The following CEP72 variants were observed in gnomAD, a reference collection of about 807,000 sequenced individuals.
The protein encoded by CEP72 is centrosomal protein 72, also known as centrosomal protein of 72 kDa.
A neutral mutation model predicts 65.7 loss-of-function variants in CEP72; 78 were observed. That is an observed-to-expected ratio of 1.19 (90% CI 0.99 to 1.43). CEP72 has a LOEUF of 1.43. CEP72 is among the 40% of genes most tolerant of loss of function. The pLI is 0.00. For synonymous variants in CEP72, 358 were observed against 351.7 expected (o/e 1.02, Z -0.20); for missense variants, 914 against 832.9 (o/e 1.10, Z -1.20).
chr5:636,271 C>T (rs1320042700), intron 6 of CEP72, among the ~76,000 whole-genome samples: 4 of 152,222 alleles, frequency 2.6e-5, no homozygotes, highest in Non-Finnish European at 4.4e-5. Flanking sequence ...AAGAATGCAG[C>T]ACATTGAAAT....
rs760639710 is a variant in CEP72, at chr5:620,059, C to G, written c.211-10C>G. On this transcript the variant is annotated splice_polypyrimidine_tract_variant and intron_variant, in intron 2 of 11. Transcript: ENST00000264935. ...AGTGTGAATGAATTCACTGTGTTTT[C>G]TGTTGACAGGGCATTCAGTACCTGA... is the stretch of plus-strand genomic sequence containing the variant. 7.5e-6 allele frequency: 12 copies of G among 1,591,906 alleles called. No individual in the cohort carries two copies. The highest frequency in any genetic ancestry group is 1.7e-4 in the Middle Eastern group (1 of 6,022).
downstream of CEP72, among the ~76,000 whole-genome samples, chr5:669,287 AGCCG>A (rs1740097439): frequency 2.0e-5 from 3 of 147,524 alleles, no homozygotes; most frequent in South Asian, 2.2e-4. Context: ...GAGCCCGGTG[AGCCG>A]GAGGTGCCCT....
chr5:625,256 C>T (rs1736679400), intron 4 of CEP72, among the ~76,000 whole-genome samples: 1 of 152,258 alleles, frequency 6.6e-6, no homozygotes, highest in Non-Finnish European at 1.5e-5. Context: ...TGGACTCTGT[C>T]TGCATAGCCG....
At chr5:614,819 A>C (rs114256171) in intron 1 of CEP72, among the ~76,000 whole-genome samples, 1 of 152,244 alleles carries the variant, frequency 6.6e-6, no homozygotes, top group African/African-American at 2.4e-5. Flanking sequence ...CATCTGGTCT[A>C]TGTTGTTGAA....
downstream of CEP72, among the ~76,000 whole-genome samples, chr5:670,064 C>T (rs1314358225): frequency 8.3e-5 from 12 of 145,184 alleles, no homozygotes; most frequent in Admixed American, 8.5e-4. Context: ...CCTGGACTTG[C>T]TTCCCAGGCT....
At chr5:662,001 C>A (rs1156996992), downstream of CEP72, 1 of 152,488 alleles carries the variant, frequency 6.6e-6, no homozygotes, top group Non-Finnish European at 1.5e-5. Context: ...TCCCAGGGTG[C>A]TCCAGGCCAG....
At chr5:625,631 A>G (rs1736705471) in intron 4 of CEP72, among the ~76,000 whole-genome samples, 1 of 152,046 alleles carries the variant, frequency 6.6e-6, no homozygotes, top group African/African-American at 2.4e-5. Flanking sequence ...TCCCTCAGAT[A>G]CCTGTCCTGC....
rs752601066 is a variant in CEP72 at position 647,802 on chromosome 5, CA to C, written c.1667-2del. On this transcript the variant is annotated splice_acceptor_variant, in intron 10 of 11. Transcript: ENST00000264935. LOFTEE classifies it high-confidence loss of function. ...GGTACTTTTTTTTTTCTTTCTCTTT[CA>C]GGACTTCAAACAAGTGTGAAGAGGC... 2.5e-6 allele frequency: 4 copies of C among 1,590,220 alleles called. No homozygotes were observed. The South Asian group carries it at 4.6e-5, about 18-fold the overall frequency.
Position 620,128 on chromosome 5 carries a change from GT to G in CEP72, c.272del (p.Leu91TrpfsTer10). ...ATCTCTACTACAACTGCATCTCCTC[GT>G]TGGCAGAAGTGTTTCGGCTCCACGC... The part of the protein sequence containing the change: ...LNLYYNCISS[L>X]AEVFRLHALT... On this transcript the variant is annotated frameshift_variant, in exon 3 of 12. Transcript: ENST00000264935. LOFTEE classifies it high-confidence loss of function. The G allele has an allele frequency of 6.2e-7, 1 of 1,614,154 alleles. No homozygotes were observed. Among genetic ancestry groups the G allele is most frequent in the Admixed American group, 1.7e-5 (1 of 60,026 alleles).
rs960244675 is a variant in CEP72, at chr5:645,170, G to A, written c.1666+745G>A. On this transcript the variant is annotated intron_variant, in intron 10 of 11. Coordinates refer to ENST00000264935, the MANE Select transcript of CEP72 (RefSeq NM_018140.4). This position sits in a 1 kb window ranked among gnomAD's most constrained non-coding sequence, Gnocchi z 4.0. ...GGCCAGGTAGTAACCGTTTCAGGGC[G>A]TGTGGGTCTCACGATGTCTGTCCCA... Among the ~76,000 whole-genome samples the A allele has an allele frequency of 1.3e-5, 2 of 152,148 alleles. No homozygotes were observed. The highest frequency in any genetic ancestry group is 6.5e-5 in the Admixed American group (1 of 15,300).
chr5:641,216 G>A, intron 9 of CEP72: 1 of 985,382 alleles, frequency 1.0e-6, no homozygotes, highest in South Asian at 4.7e-5. Flanking sequence ...TCACGGGACA[G>A]GATCCTCCCA....
chr5:667,447 GA>G (rs1171710871), downstream of CEP72, among the ~76,000 whole-genome samples: 1 of 152,168 alleles, frequency 6.6e-6, no homozygotes, highest in Non-Finnish European at 1.5e-5. Context: ...TCCTAATTAT[GA>G]AACTAAAACT....
rs759198371 is a variant in CEP72 at position 644,182 on chromosome 5, G to A, written c.1540-117G>A. On this transcript the variant is annotated intron_variant, in intron 9 of 11. Coordinates refer to ENST00000264935, the MANE Select transcript of CEP72 (RefSeq NM_018140.4). ...AAACTGAATTACTGCCTTTCACATC[G>A]TGACTCCCAAGTATGCAGAAGGAAC... 4.1e-5 allele frequency: 47 copies of A among 1,153,272 alleles called. 1 individual carries two copies. Among genetic ancestry groups the A allele is most frequent in the Non-Finnish European group, 5.3e-5 (42 of 796,580 alleles). The allele number at this position is 1,153,272 out of a possible 1,614,324, so 71.4% of individuals were successfully genotyped here.
chr5:676,423 A>G, the CEP72 span: 1 of 152,366 alleles, frequency 6.6e-6, no homozygotes, highest in Non-Finnish European at 1.5e-5. Context: ...TGGGCCCCAC[A>G]GCCTTCCACA....
At chr5:632,385 A>C (rs74518184) in intron 4 of CEP72, among the ~76,000 whole-genome samples, 3 of 8,888 alleles carry the variant, frequency 3.4e-4, no homozygotes, top group Admixed American at 1.6e-3. Flanking sequence ...CGGGATTTAG[A>C]CCAGTCCTGG....
chr5:654,255 CTG>C (rs562341078), downstream of CEP72, among the ~76,000 whole-genome samples: 1,109 of 143,434 alleles, frequency 7.7e-3, 4 homozygotes, highest in Non-Finnish European at 0.012. Context: ...TGCATGCTTG[CTG>C]TGTGTGTGTG....
chr5:654,401 G>A (rs1221646835), downstream of CEP72, among the ~76,000 whole-genome samples: 1 of 148,896 alleles, frequency 6.7e-6, no homozygotes, highest in Non-Finnish European at 1.5e-5. Context: ...CACTTGCTAT[G>A]TGTGTGCTTG....
intron 4 of CEP72, among the ~76,000 whole-genome samples, chr5:629,453 G>C (rs559856848): frequency 6.9e-6 from 1 of 145,632 alleles, no homozygotes; most frequent in Admixed American, 6.8e-5. Flanking sequence ...GTCCAGTGCC[G>C]GGATTTGACC....
chr5:637,429 C>T (rs1308128672), intron 6 of CEP72, 88 bp from the exon 7 acceptor site: 5 of 1,165,590 alleles, frequency 4.3e-6, no homozygotes, highest in East Asian at 2.4e-5. Flanking sequence ...TATACATGGG[C>T]ACACACATGC....
Sources: gnomAD v4.1 joint callset for allele counts (sites outside exome capture counted in the v4.1 genomes callset) on GRCh38, gnomAD v4.1.1 for gene constraint, Gnocchi (gnomAD v3.1) non-coding constraint, MANE v1.5 for transcripts, NCBI Gene and HGNC (gene_info 2026-07-23, HGNC 2026-07-21) for gene names.